Variants in OTUD7A observed in about 807,000 individuals in gnomAD.
OTUD7A encodes OTU deubiquitinase 7A.
In OTUD7A, 12 loss-of-function variants were observed where a neutral mutation model predicts 65.7. The ratio of observed to expected loss-of-function variants is 0.18; its 90% confidence interval spans 0.12 to 0.30. The LOEUF is 0.30. OTUD7A is among the 10% of genes least tolerant of loss of function. OTUD7A has a pLI of 1.00. For synonymous variants in OTUD7A, 641 were observed against 586.3 expected (o/e 1.09, Z -1.35); for missense variants, 1,148 against 1,304.8 (o/e 0.88, Z 1.85).
At chr15:31,646,363 A>G (rs1891663688) in intron 3 of OTUD7A, among the ~76,000 whole-genome samples, 1 of 152,142 alleles carries the variant, frequency 6.6e-6, no homozygotes, top group Non-Finnish European at 1.5e-5. Context: ...GCTGGGATGA[A>G]TACGGCTGGC....
chr15:31,541,355 C>G (rs1353329086), intron 5 of OTUD7A, among the ~76,000 whole-genome samples: 1 of 152,136 alleles, frequency 6.6e-6, no homozygotes, highest in African/African-American at 2.4e-5. Context: ...CCTACAAACC[C>G]TCATTGATTT....
chr15:31,844,614 T>C (rs1595809637), intron 1 of OTUD7A, among the ~76,000 whole-genome samples: 1 of 152,370 alleles, frequency 6.6e-6, no homozygotes, highest in East Asian at 1.9e-4. Context: ...TACCTGCCTG[T>C]GTCTCCTGGT....
intron 3 of OTUD7A, among the ~76,000 whole-genome samples, chr15:31,647,197 G>A: frequency 6.6e-6 from 1 of 152,238 alleles, no homozygotes; most frequent in South Asian, 2.1e-4. Context: ...ATCACACCTT[G>A]TGGTCGAGTG....
chr15:31,737,975 A>G (rs1894238171), intron 1 of OTUD7A, among the ~76,000 whole-genome samples: 1 of 152,218 alleles, frequency 6.6e-6, no homozygotes, highest in South Asian at 2.1e-4. Context: ...TAGTTTGTAC[A>G]TAGTATCTGT....
intron 8 of OTUD7A, among the ~76,000 whole-genome samples, chr15:31,521,550 G>A (rs2041938113): frequency 6.6e-6 from 1 of 152,252 alleles, no homozygotes; most frequent in South Asian, 2.1e-4. Context: ...CACAAGGCCA[G>A]CCCATGGCCC....
At chr15:31,818,784 T>C (rs1483189293) in intron 1 of OTUD7A, among the ~76,000 whole-genome samples, 1 of 152,266 alleles carries the variant, frequency 6.6e-6, no homozygotes, top group Non-Finnish European at 1.5e-5. Flanking sequence ...CTCATGGTGA[T>C]TGATACAGAA....
intron 1 of OTUD7A, among the ~76,000 whole-genome samples, chr15:31,717,486 C>A (rs557193804): frequency 6.6e-6 from 1 of 152,088 alleles, no homozygotes; most frequent in African/African-American, 2.4e-5. Flanking sequence ...TGAGAACATG[C>A]GATATTTGGT....
chr15:31,679,872 A>G (rs1029566344), intron 1 of OTUD7A, among the ~76,000 whole-genome samples: 1 of 152,242 alleles, frequency 6.6e-6, no homozygotes, highest in African/African-American at 2.4e-5. Context: ...AAAATCATAG[A>G]TATTTTAAAG....
At chr15:31,772,843 A>AGAATTT (rs1414490030) in intron 1 of OTUD7A, among the ~76,000 whole-genome samples, 1 of 152,254 alleles carries the variant, frequency 6.6e-6, no homozygotes, top group Non-Finnish European at 1.5e-5. Context: ...AACTGTGGTT[A>AGAATTT]ATATGCACAA....
At position 31,550,445 on chromosome 15, in the gene OTUD7A, G is replaced by A. The variant is rs1054732258; in HGVS notation, c.550+8524C>T. Among the ~76,000 whole-genome samples, 43 of 152,250 alleles carry A rather than the reference G, an allele frequency of 2.8e-4. 1 individual carries two copies. The highest frequency in any genetic ancestry group is 3.4e-3 in the Middle Eastern group (1 of 294). On this transcript the variant is annotated intron_variant, in intron 5 of 12. Transcript: ENST00000307050. ...GCATGAGACTTGGCAAGGAAGCAGC[G>A]CACAGTGAACCTGCATCACTCCTGA...
intron 1 of OTUD7A, among the ~76,000 whole-genome samples, chr15:31,722,561 C>T (rs113396116): frequency 2.1e-4 from 32 of 152,200 alleles, no homozygotes; most frequent in Admixed American, 6.5e-4. Context: ...GTGGCCCTGT[C>T]AGGGAGACGA....
chr15:31,666,819 T>C (rs546418266), intron 1 of OTUD7A, among the ~76,000 whole-genome samples: 4 of 152,260 alleles, frequency 2.6e-5, no homozygotes, highest in East Asian at 3.9e-4. Flanking sequence ...AGAGGTTTGA[T>C]AGGTTGTGTC....
At chr15:31,574,846 T>C (rs1889157131) in intron 3 of OTUD7A, among the ~76,000 whole-genome samples, 1 of 152,086 alleles carries the variant, frequency 6.6e-6, no homozygotes, top group Non-Finnish European at 1.5e-5. Context: ...TTTCCTACAC[T>C]GCAGGCCAAT....
intron 1 of OTUD7A, among the ~76,000 whole-genome samples, chr15:31,803,915 A>T (rs1301491902): frequency 8.5e-5 from 13 of 152,202 alleles, no homozygotes; most frequent in Admixed American, 2.6e-4. Context: ...ATCTGCTAAA[A>T]AGCCCAAAGC....
At chr15:31,553,114 CT>C (rs1888377376) in intron 5 of OTUD7A, among the ~76,000 whole-genome samples, 1 of 152,144 alleles carries the variant, frequency 6.6e-6, no homozygotes, top group Non-Finnish European at 1.5e-5. Flanking sequence ...CGGTCAGTTT[CT>C]AGTGCACACT....
chr15:31,529,075 G>A (rs2042052891), intron 6 of OTUD7A, among the ~76,000 whole-genome samples: 1 of 152,224 alleles, frequency 6.6e-6, no homozygotes, highest in South Asian at 2.1e-4. Flanking sequence ...GGAAAATGCT[G>A]TGGGGTGTGG....
chr15:31,670,725 C>A (rs1417820640), intron 1 of OTUD7A, among the ~76,000 whole-genome samples: 1 of 152,166 alleles, frequency 6.6e-6, no homozygotes, highest in African/African-American at 2.4e-5. Context: ...GGCGCGGTGG[C>A]TCACGCCTGT....
At chr15:31,545,234 G>C (rs1256409165) in intron 5 of OTUD7A, among the ~76,000 whole-genome samples, 3 of 151,988 alleles carry the variant, frequency 2.0e-5, no homozygotes. Context: ...ACCATGTCAG[G>C]TTGATGAATA....
intron 1 of OTUD7A, among the ~76,000 whole-genome samples, chr15:31,801,047 C>T (rs572322574): frequency 6.5e-5 from 9 of 138,844 alleles, no homozygotes; most frequent in Non-Finnish European, 1.4e-4. Flanking sequence ...CATTATCCAG[C>T]AGCCTCAAAA....
Sources: gnomAD v4.1 joint callset for allele counts (sites outside exome capture counted in the v4.1 genomes callset) on GRCh38, gnomAD v4.1.1 for gene constraint, MANE v1.5 for transcripts, NCBI Gene and HGNC (gene_info 2026-07-23, HGNC 2026-07-21) for gene names.